The following PLXNA4 variants were observed in gnomAD, a reference collection of about 807,000 sequenced individuals.
PLXNA4 encodes plexin A4.
In PLXNA4, 44 loss-of-function variants were observed where a neutral mutation model predicts 191.8. The observed-to-expected ratio is 0.23, with a 90% CI of 0.18 to 0.29. The LOEUF (loss-of-function observed/expected upper bound fraction) is 0.29. Ranked by LOEUF, PLXNA4 falls within the 10% of genes least tolerant of loss-of-function variation. The pLI is 1.00. For synonymous variants in PLXNA4, 1,082 were observed against 1,009.5 expected (o/e 1.07, Z -1.36); for missense variants, 1,800 against 2,488.8 (o/e 0.72, Z 5.89).
At chr7:132,192,547 GT>G (rs1022130691) in intron 14 of PLXNA4, among the ~76,000 whole-genome samples, 12 of 149,612 alleles carry the variant, frequency 8.0e-5, no homozygotes, top group African/African-American at 2.8e-4. Flanking sequence ...GAGGCGAGGG[GT>G]GGGGGTGCAG....
At chr7:132,176,557 C>T (rs974111620) in intron 20 of PLXNA4, among the ~76,000 whole-genome samples, 1 of 151,716 alleles carries the variant, frequency 6.6e-6, no homozygotes, top group Non-Finnish European at 1.5e-5. Flanking sequence ...AGTGTGTGAG[C>T]ATGTCAGGGA....
intron 13 of PLXNA4, among the ~76,000 whole-genome samples, chr7:132,198,035 A>G (rs1797306432): frequency 6.6e-6 from 1 of 152,136 alleles, no homozygotes; most frequent in African/African-American, 2.4e-5. Flanking sequence ...AGACTTTCAA[A>G]GAGAAAAATA....
At chr7:132,420,807 G>T (rs56205299) in intron 3 of PLXNA4, among the ~76,000 whole-genome samples, 21,715 of 152,068 alleles carry the variant, frequency 0.14, 3,061 homozygotes, top group African/African-American at 0.35. Flanking sequence ...TGAGTCTCAC[G>T]AGATCTGATG....
chr7:132,424,594 C>A (rs1794972280), intron 3 of PLXNA4, among the ~76,000 whole-genome samples: 1 of 152,158 alleles, frequency 6.6e-6, no homozygotes, highest in Admixed American at 6.5e-5. Flanking sequence ...ACCTGCCCCT[C>A]CCCCATGTGA....
chr7:132,258,999 C>T (rs774615222), intron 4 of PLXNA4, among the ~76,000 whole-genome samples: 5 of 152,014 alleles, frequency 3.3e-5, no homozygotes, highest in Non-Finnish European at 5.9e-5. Flanking sequence ...TACTGTTGCC[C>T]TAATTTATTG....
At chr7:132,269,531 A>T (rs1350782125) in intron 4 of PLXNA4, among the ~76,000 whole-genome samples, 1 of 152,178 alleles carries the variant, frequency 6.6e-6, no homozygotes. Context: ...TAGTGTTTTG[A>T]TGACAGGTTA....
chr7:132,166,982 C>T (rs1408958413), intron 22 of PLXNA4, among the ~76,000 whole-genome samples: 1 of 152,110 alleles, frequency 6.6e-6, no homozygotes, highest in Non-Finnish European at 1.5e-5. Context: ...ATCTGCTGGA[C>T]CAAGTGGGAG....
intron 3 of PLXNA4, among the ~76,000 whole-genome samples, chr7:132,461,112 C>T (rs1325483644): frequency 6.6e-6 from 1 of 152,062 alleles, no homozygotes; most frequent in Non-Finnish European, 1.5e-5. Context: ...ATCTCAAAAG[C>T]AGGGGTCAGC....
At chr7:132,435,904 C>A (rs1795453660) in intron 3 of PLXNA4, among the ~76,000 whole-genome samples, 1 of 152,202 alleles carries the variant, frequency 6.6e-6, no homozygotes, top group African/African-American at 2.4e-5. Flanking sequence ...CAGTAGGTAC[C>A]AGCAGCTTCC....
chr7:132,226,647 A>G (rs1304322384), intron 7 of PLXNA4, among the ~76,000 whole-genome samples: 4 of 152,210 alleles, frequency 2.6e-5, no homozygotes, highest in Non-Finnish European at 4.4e-5. Context: ...TTTTGCATGT[A>G]TGTGTGTGTA....
chr7:132,294,177 G>A (rs1356476415), intron 4 of PLXNA4, among the ~76,000 whole-genome samples: 1 of 152,194 alleles, frequency 6.6e-6, no homozygotes, highest in Non-Finnish European at 1.5e-5. Flanking sequence ...TGAGTGGAAG[G>A]CAATCTAGAG....
intron 3 of PLXNA4, among the ~76,000 whole-genome samples, chr7:132,416,123 C>T (rs992305375): frequency 3.3e-5 from 5 of 152,140 alleles, no homozygotes; most frequent in African/African-American, 1.2e-4. Context: ...ATGAATATTG[C>T]CATTTTTACT....
rs950524406 is a variant in PLXNA4, at chr7:132,223,572, G to A, written c.2052C>T (p.Asp684=). ...CTTCCTGGAAGGAGCAGGTCTTGGG[G>A]TCATGGGTGCAGACATGCCGGTATT... is the stretch of plus-strand genomic sequence containing the variant. ...WCKYRHVCTH[D]PKTCSFQEGR... Residue 684 remains aspartate (D), a synonymous_variant, in exon 9 of 32, where the codon GAC becomes GAT. Coordinates refer to ENST00000321063, the MANE Select transcript of PLXNA4 (RefSeq NM_020911.2). 6.2e-7 allele frequency: 1 copy of A among 1,613,848 alleles called. No individual in the cohort carries two copies. The highest frequency in any genetic ancestry group is 8.5e-7 in the Non-Finnish European group (1 of 1,179,900).
chr7:132,211,287 A>G (rs973311363), intron 9 of PLXNA4, 144 bp from the exon 10 acceptor site: 7 of 776,744 alleles, frequency 9.0e-6, no homozygotes, highest in South Asian at 1.8e-5. Context: ...GTGCCCACCC[A>G]GTGGGCAATG....
chr7:132,505,384 C>T (rs1798423104), intron 2 of PLXNA4, among the ~76,000 whole-genome samples: 1 of 152,214 alleles, frequency 6.6e-6, no homozygotes, highest in Non-Finnish European at 1.5e-5. Flanking sequence ...GCTGATTTTT[C>T]TCCCAAGAGC....
intron 2 of PLXNA4, among the ~76,000 whole-genome samples, chr7:132,625,531 G>A (rs561317576): frequency 6.6e-6 from 1 of 152,278 alleles, no homozygotes; most frequent in Non-Finnish European, 1.5e-5. Context: ...AAGCACCAGA[G>A]AGACCATCAC....
chr7:132,593,485 C>A (rs1802643132), intron 2 of PLXNA4, among the ~76,000 whole-genome samples: 1 of 152,180 alleles, frequency 6.6e-6, no homozygotes, highest in South Asian at 2.1e-4. Flanking sequence ...AAAGATGGAA[C>A]TTACTAAAAG....
At chr7:132,213,844 G>T (rs1252395854) in intron 9 of PLXNA4, among the ~76,000 whole-genome samples, 3 of 152,184 alleles carry the variant, frequency 2.0e-5, no homozygotes, top group Non-Finnish European at 2.9e-5. Context: ...GTCGCACTGG[G>T]AGTGAGAGCC....
chr7:132,557,230 T>C (rs1417466498), intron 1 of PLXNA4, among the ~76,000 whole-genome samples: 6 of 152,200 alleles, frequency 3.9e-5, no homozygotes, highest in Non-Finnish European at 7.3e-5. Context: ...CAGACCTACC[T>C]GCACCATGAG....
Sources: allele counts gnomAD v4.1 joint callset (sites outside exome capture counted in the v4.1 genomes callset), GRCh38; gene constraint gnomAD v4.1.1; transcripts MANE v1.5; gene names NCBI Gene and HGNC (gene_info 2026-07-23, HGNC 2026-07-21).